FLT3: variants seen among roughly 807,000 people sequenced by gnomAD.
The protein encoded by FLT3 is receptor-type tyrosine-protein kinase FLT3.
A neutral mutation model predicts 126.6 loss-of-function variants in FLT3; 46 were observed. That is an observed-to-expected ratio of 0.36 (90% CI 0.29 to 0.46). The LOEUF (loss-of-function observed/expected upper bound fraction) is 0.46. Among genes scored for constraint, FLT3 ranks in the 20% least tolerant of loss-of-function variants. The pLI is 1.00. For missense variants in FLT3, 1,069 were observed against 1,190.3 expected (o/e 0.90, Z 1.50); for synonymous variants, 404 against 434.4 (o/e 0.93, Z 0.87).
chr13:28,056,680 G>A (rs1386296454), intron 4 of FLT3, among the ~76,000 whole-genome samples: 1 of 152,182 alleles, frequency 6.6e-6, no homozygotes, highest in Non-Finnish European at 1.5e-5. Flanking sequence ...GTTTGCATAT[G>A]GTCTAGCACG....
At chr13:28,035,913 G>A (rs371037312) in intron 11 of FLT3, 22 bp downstream of exon 11, 37 of 1,528,696 alleles carry the variant, frequency 2.4e-5, no homozygotes, top group Non-Finnish European at 3.4e-5. Flanking sequence ...TCCATTATAA[G>A]AGGCATCAAT....
intron 4 of FLT3, among the ~76,000 whole-genome samples, chr13:28,054,905 T>C (rs1420668904): frequency 6.6e-6 from 1 of 152,214 alleles, no homozygotes; most frequent in Non-Finnish European, 1.5e-5. Flanking sequence ...TGCCTACTCA[T>C]GTCCTTTGTT....
chr13:28,064,184 A>G (rs1456317144), intron 2 of FLT3, among the ~76,000 whole-genome samples: 1 of 152,252 alleles, frequency 6.6e-6, no homozygotes, highest in Non-Finnish European at 1.5e-5. Context: ...TACCCCTAAT[A>G]TAAAAAGAAC....
chr13:28,010,608 T>C (rs937620575), intron 23 of FLT3, among the ~76,000 whole-genome samples: 2 of 152,248 alleles, frequency 1.3e-5, no homozygotes, highest in African/African-American at 4.8e-5. Context: ...CCATTGGTGT[T>C]GAGGTTAGAC....
chr13:28,074,513 T>C (rs962237052), intron 1 of FLT3, among the ~76,000 whole-genome samples: 8 of 152,320 alleles, frequency 5.3e-5, no homozygotes, highest in Admixed American at 4.6e-4. Context: ...GGTTAGAGCT[T>C]TTATGTTCCC....
intron 2 of FLT3, among the ~76,000 whole-genome samples, chr13:28,068,881 T>C (rs1877262618): frequency 6.6e-6 from 1 of 152,166 alleles, no homozygotes; most frequent in Non-Finnish European, 1.5e-5. Flanking sequence ...CTGGCTGATT[T>C]CTACTATTTT....
intron 3 of FLT3, among the ~76,000 whole-genome samples, chr13:28,058,426 T>C (rs1043215847): frequency 3.3e-5 from 5 of 151,818 alleles, no homozygotes; most frequent in Admixed American, 6.6e-5. Context: ...GCAGGAGAAT[T>C]GCTTGAACCC....
chr13:28,022,531 C>G (rs913297644), intron 19 of FLT3, among the ~76,000 whole-genome samples: 2 of 151,476 alleles, frequency 1.3e-5, no homozygotes, highest in African/African-American at 4.9e-5. Flanking sequence ...CAAAACAAAA[C>G]AAAAAAATAC....
intron 1 of FLT3, among the ~76,000 whole-genome samples, chr13:28,094,624 T>C (rs749279902): frequency 1.2e-4 from 18 of 152,158 alleles, no homozygotes; most frequent in South Asian, 4.1e-4. Context: ...CTCAGCCTCC[T>C]GAGTAGCTGA....
intron 15 of FLT3, among the ~76,000 whole-genome samples, chr13:28,030,573 T>C (rs556648871): frequency 6.6e-6 from 1 of 152,172 alleles, no homozygotes; most frequent in African/African-American, 2.4e-5. Context: ...ATAAATGCAA[T>C]ACGGCAGGCA....
intron 23 of FLT3, among the ~76,000 whole-genome samples, chr13:28,011,681 C>T (rs61946323): frequency 0.011 from 180 of 15,682 alleles, 1 homozygote; most frequent in Middle Eastern, 0.056. Flanking sequence ...CCTTCCTTCC[C>T]TCCTCCTTCC....
At chr13:28,020,386 T>C (rs1274937445) in intron 19 of FLT3, among the ~76,000 whole-genome samples, 2 of 152,198 alleles carry the variant, frequency 1.3e-5, no homozygotes, top group African/African-American at 2.4e-5. Context: ...TCTCACTCTG[T>C]CACCCAGGCT....
chr13:28,071,230 G>A (rs1425912830), intron 1 of FLT3, among the ~76,000 whole-genome samples: 1 of 150,542 alleles, frequency 6.6e-6, no homozygotes, highest in African/African-American at 2.4e-5. Flanking sequence ...GGCTGGTCTT[G>A]GACTCCTGAC....
At chr13:28,044,932 AAGAT>A (rs1332271501) in intron 9 of FLT3, among the ~76,000 whole-genome samples, 1 of 152,226 alleles carries the variant, frequency 6.6e-6, no homozygotes, top group East Asian at 1.9e-4. Context: ...GCATTGTACA[AAGAT>A]AGAGAAATAT....
chr13:28,020,373 A>G (rs1872275594), intron 19 of FLT3, among the ~76,000 whole-genome samples: 1 of 151,994 alleles, frequency 6.6e-6, no homozygotes, highest in Non-Finnish European at 1.5e-5. Flanking sequence ...TTTTTTGAGA[A>G]AGTCTCACTC....
At chr13:28,053,684 G>A (rs1875750633) in intron 4 of FLT3, among the ~76,000 whole-genome samples, 2 of 151,416 alleles carry the variant, frequency 1.3e-5, no homozygotes, top group Non-Finnish European at 2.9e-5. Context: ...CAATCAATAT[G>A]TAACTTCTAC....
chr13:28,074,311 A>G (rs935899968), intron 1 of FLT3, among the ~76,000 whole-genome samples: 2 of 152,174 alleles, frequency 1.3e-5, no homozygotes, highest in Non-Finnish European at 2.9e-5. Context: ...GTTTTAATCT[A>G]TTCACCTGTG....
At chr13:28,060,850 C>A (rs1166313193) in intron 3 of FLT3, among the ~76,000 whole-genome samples, 1 of 151,662 alleles carries the variant, frequency 6.6e-6, no homozygotes, top group Non-Finnish European at 1.5e-5. Flanking sequence ...GGTGATCCTC[C>A]CACCTCGGCC....
At chr13:28,050,412 C>T (rs113206407) in intron 5 of FLT3, among the ~76,000 whole-genome samples, 190 bp from the exon 6 acceptor site, 107 of 152,110 alleles carry the variant, frequency 7.0e-4, no homozygotes, top group African/African-American at 2.3e-3. Context: ...TACTCATTAT[C>T]GCAATGAATT....
Sources: allele counts gnomAD v4.1 joint callset (sites outside exome capture counted in the v4.1 genomes callset), GRCh38; gene constraint gnomAD v4.1.1; transcripts MANE v1.5; gene names NCBI Gene and HGNC (gene_info 2026-07-23, HGNC 2026-07-21).